The following CRYL1 variants were observed in gnomAD, a reference collection of about 807,000 sequenced individuals.
CRYL1 encodes the protein crystallin lambda 1.
A neutral mutation model predicts 36.6 loss-of-function variants in CRYL1; 29 were observed. The ratio of observed to expected loss-of-function variants is 0.79; its 90% CI spans 0.59 to 1.08. The LOEUF is 1.08. Ranked by LOEUF, CRYL1 falls within the 50% of genes least tolerant of loss-of-function variation. The pLI, the probability that CRYL1 is intolerant of heterozygous loss-of-function variation, is 0.00. For synonymous variants in CRYL1, 152 were observed against 151.5 expected (o/e 1.00, Z -0.02); for missense variants, 411 against 407.9 (o/e 1.01, Z -0.06).
In CRYL1 at chr13:20,489,502, A is replaced by C. The variant is rs1358160329; in HGVS notation, c.150-6T>G. 4 of 1,612,594 alleles carry C rather than the reference A, an allele frequency of 2.5e-6. No homozygotes were observed. The highest frequency in any genetic ancestry group is 2.5e-6 in the Non-Finnish European group (3 of 1,179,994). On this transcript the variant is annotated splice_polypyrimidine_tract_variant and splice_region_variant and intron_variant, in intron 2 of 7. Coordinates refer to ENST00000298248, the MANE Select transcript of CRYL1 (RefSeq NM_015974.3). ...CCAGCAACTTCATCTCCTTTCTGGA[A>C]AGGCAGAGAGAAGGATCACTGTGAG...
intron 3 of CRYL1, among the ~76,000 whole-genome samples, chr13:20,471,481 T>A (rs1468786847): frequency 1.3e-5 from 2 of 151,980 alleles, no homozygotes; most frequent in Admixed American, 6.6e-5. Flanking sequence ...GGCGGTCGCC[T>A]GTAGTCCCAG....
intron 3 of CRYL1, among the ~76,000 whole-genome samples, chr13:20,487,853 G>A (rs1221873325): frequency 2.6e-5 from 4 of 152,120 alleles, no homozygotes; most frequent in Non-Finnish European, 5.9e-5. Context: ...TGTAATCCCA[G>A]CACTTCGAGA....
chr13:20,507,725 T>C (rs571328776), intron 2 of CRYL1, among the ~76,000 whole-genome samples: 36 of 152,120 alleles, frequency 2.4e-4, no homozygotes, highest in Admixed American at 1.2e-3. Flanking sequence ...GAGACCATCC[T>C]GGCTAACACA....
chr13:20,419,583 C>T (rs2031751878), intron 5 of CRYL1, among the ~76,000 whole-genome samples: 1 of 152,092 alleles, frequency 6.6e-6, no homozygotes, highest in South Asian at 2.1e-4. Flanking sequence ...TGAGCCACCA[C>T]ATCTGGATAA....
chr13:20,442,353 T>C (rs142536489), intron 3 of CRYL1, among the ~76,000 whole-genome samples: 7 of 152,320 alleles, frequency 4.6e-5, no homozygotes, highest in African/African-American at 1.7e-4. Context: ...CCCAATTGTG[T>C]TGGATGTGCT....
Position 20,486,500 on chromosome 13 carries a change from A to C in CRYL1, c.276+2870T>G, listed in dbSNP as rs147810613. Among the ~76,000 whole-genome samples, 24 of 150,766 alleles carry C rather than the reference A, an allele frequency of 1.6e-4. No individual in the cohort carries two copies. In the East Asian group the frequency reaches 4.7e-3, roughly 30 times the overall value. On this transcript the variant is annotated intron_variant, in intron 3 of 7. Transcript: ENST00000298248. ...AATCCACTTGTCAAAAGTCAAGACA[A>C]GCTCTAATCCTACCTGCATTAAACC... is the stretch of plus-strand genomic sequence containing the variant.
chr13:20,442,978 G>A (rs938939130), intron 3 of CRYL1, among the ~76,000 whole-genome samples: 1 of 152,170 alleles, frequency 6.6e-6, no homozygotes, highest in Non-Finnish European at 1.5e-5. Flanking sequence ...ACTGGCTCAG[G>A]CAGTATCAGC....
chr13:20,416,021 C>G (rs1057326482), intron 5 of CRYL1, among the ~76,000 whole-genome samples: 3 of 152,196 alleles, frequency 2.0e-5, no homozygotes, highest in Non-Finnish European at 2.9e-5. Flanking sequence ...GCACAGGGCC[C>G]GGGCCGCGGC....
At chr13:20,493,309 T>A (rs952423072) in intron 2 of CRYL1, among the ~76,000 whole-genome samples, 6 of 152,198 alleles carry the variant, frequency 3.9e-5, no homozygotes, top group Non-Finnish European at 7.3e-5. Flanking sequence ...CAGCCGGTGG[T>A]GGCTGCAGTA....
At chr13:20,427,667 AGAGT>A (rs2031961698) in intron 5 of CRYL1, among the ~76,000 whole-genome samples, 1 of 150,752 alleles carries the variant, frequency 6.6e-6, no homozygotes, top group African/African-American at 2.4e-5. Flanking sequence ...ATATGGTCCC[AGAGT>A]GAGTGAGTGA....
chr13:20,476,565 C>T (rs898105487), intron 3 of CRYL1, among the ~76,000 whole-genome samples: 1 of 152,198 alleles, frequency 6.6e-6, no homozygotes, highest in East Asian at 1.9e-4. Flanking sequence ...GGCAGCTCTG[C>T]GTCAGCAGAT....
intron 3 of CRYL1, among the ~76,000 whole-genome samples, chr13:20,461,569 T>TGGCA (rs1347139519): frequency 6.6e-6 from 1 of 152,144 alleles, no homozygotes; most frequent in Non-Finnish European, 1.5e-5. Context: ...GGGTGAAGGC[T>TGGCA]GGCACCACAA....
intron 1 of CRYL1, among the ~76,000 whole-genome samples, chr13:20,517,958 C>G (rs927840311): frequency 4.6e-5 from 4 of 86,440 alleles, no homozygotes; most frequent in African/African-American, 1.2e-4. Context: ...AAAAAAAAAG[C>G]AATGCTAGTG....
At chr13:20,470,627 G>A (rs1405841085) in intron 3 of CRYL1, among the ~76,000 whole-genome samples, 2 of 152,048 alleles carry the variant, frequency 1.3e-5, no homozygotes, top group African/African-American at 2.4e-5. Flanking sequence ...ACCATGACCC[G>A]GCCAGGCGCG....
intron 2 of CRYL1, among the ~76,000 whole-genome samples, chr13:20,504,431 G>A (rs1262345366): frequency 1.3e-5 from 2 of 151,190 alleles, no homozygotes; most frequent in Non-Finnish European, 2.9e-5. Flanking sequence ...AGCCTCCTGA[G>A]TAGCTGCGAT....
Position 20,452,807 on chromosome 13 carries a change from A to G in CRYL1, c.277-13053T>C, listed in dbSNP as rs557594129. The stretch of plus-strand genomic sequence containing the variant: ...GGGGAGGCTATACATGCGTAGGGGC[A>G]GAGGCTTTATGGGAAATCTCTGTCC... On this transcript the variant is annotated intron_variant, in intron 3 of 7. Transcript: ENST00000298248. Among the ~76,000 whole-genome samples the G allele has an allele frequency of 7.2e-5, 11 of 152,304 alleles. No homozygotes were observed. The South Asian group carries it at 2.1e-3, about 29-fold the overall frequency.
At chr13:20,423,016 G>A (rs2031855997) in intron 5 of CRYL1, among the ~76,000 whole-genome samples, 1 of 152,258 alleles carries the variant, frequency 6.6e-6, no homozygotes, top group East Asian at 1.9e-4. Context: ...TTGATTAAAT[G>A]TATTTCTAAG....
rs1428935649 is a variant in CRYL1, at chr13:20,415,184, GCCGTCT to G, written c.634-1803_634-1798del. On this transcript the variant is annotated intron_variant, in intron 5 of 7. Coordinates refer to ENST00000298248, the MANE Select transcript of CRYL1 (RefSeq NM_015974.3). The surrounding 1 kb of genome is among the most constrained non-coding windows in gnomAD (Gnocchi z 4.1). ...GGTAGAGCCTGTCTTTGCCCAGAAG[GCCGTCT>G]CCAAGCTGGGGGCTTGCTCCGCCCG... Among the ~76,000 whole-genome samples the G allele has an allele frequency of 6.6e-6, 1 of 152,156 alleles. No individual in the cohort carries two copies. Among genetic ancestry groups the G allele is most frequent in the Non-Finnish European group, 1.5e-5 (1 of 68,014 alleles).
At chr13:20,461,174 C>T (rs918345784) in intron 3 of CRYL1, among the ~76,000 whole-genome samples, 1 of 152,212 alleles carries the variant, frequency 6.6e-6, no homozygotes, top group African/African-American at 2.4e-5. Flanking sequence ...CATTTTTCTA[C>T]TGGGGCATTT....
Sources: allele counts gnomAD v4.1 joint callset (sites outside exome capture counted in the v4.1 genomes callset), GRCh38; gene constraint gnomAD v4.1.1; non-coding constraint Gnocchi (gnomAD v3.1); transcripts MANE v1.5; gene names NCBI Gene and HGNC (gene_info 2026-07-23, HGNC 2026-07-21).